Variants in ABCB7 observed in about 807,000 individuals in gnomAD.
ABCB7 encodes the protein iron-sulfur clusters transporter ABCB7, mitochondrial.
ABCB7 carries 7 observed loss-of-function variants against 54.4 expected under a neutral mutation model. That is an observed-to-expected ratio of 0.13 (90% CI 0.07 to 0.24). The LOEUF (loss-of-function observed/expected upper bound fraction) is 0.24, where lower values mean the gene tolerates loss of function less well. Among genes scored for constraint, ABCB7 ranks in the 10% least tolerant of loss-of-function variants. The pLI is 1.00. For synonymous variants in ABCB7, 218 were observed against 207.1 expected (o/e 1.05, Z -0.45); for missense variants, 356 against 570.4 (o/e 0.62, Z 3.83).
chrX:75,147,924 T>C (rs2082103815), intron 1 of ABCB7, among the ~76,000 whole-genome samples: 1 of 111,553 alleles, frequency 9.0e-6, no homozygotes, highest in African/African-American at 3.3e-5. Flanking sequence ...GAGACTAGCC[T>C]GGCCAACATG....
At chrX:75,074,477 G>T (rs762239925) in intron 6 of ABCB7, among the ~76,000 whole-genome samples, 7 of 111,860 alleles carry the variant, frequency 6.3e-5, no homozygotes, top group Non-Finnish European at 1.3e-4. Context: ...ATTACCATTT[G>T]ATCCAGCAAT....
intron 8 of ABCB7, 79 bp from the exon 9 acceptor site, chrX:75,071,762 G>T (rs1420495344): frequency 8.5e-6 from 6 of 709,645 alleles, no homozygotes; most frequent in Non-Finnish European, 1.2e-5. Context: ...CTTTTCATCA[G>T]ACTTCATGTA....
Position 75,052,471 on chromosome X carries a change from A to AG in ABCB7, c.*898_*899insC, listed in dbSNP as rs1231264600. ...GAAAGAGCGAGACTCCGTCTCAAAA[A>AG]AAAAAAAAAAAAAATTCTAAGTATA... On this transcript the variant is annotated 3_prime_UTR_variant, in exon 16 of 16. Coordinates refer to ENST00000373394, the MANE Select transcript of ABCB7 (RefSeq NM_001271696.3). The AG allele has an allele frequency of 2.8e-5, 3 of 108,773 alleles. No homozygotes were observed. The highest frequency in any genetic ancestry group is 5.7e-5 in the Non-Finnish European group (3 of 52,469). The allele number at this position is 108,773 out of a possible 1,213,427, so 9.0% of individuals were successfully genotyped here. A position where few individuals can be genotyped will look rare whatever the true frequency, so the allele number is the denominator to read the frequency against.
In ABCB7 at chrX:75,083,000, T is replaced by C. The variant is rs149884758; in HGVS notation, c.454-6346A>G. Among the ~76,000 whole-genome samples, 1,064 of 111,626 alleles carry C rather than the reference T, an allele frequency of 9.5e-3. 14 individuals carry two copies. Among genetic ancestry groups the C allele is most frequent in the African/African-American group, 0.033 (1,017 of 30,765 alleles). On this transcript the variant is annotated intron_variant, in intron 4 of 15. Coordinates refer to ENST00000373394, the MANE Select transcript of ABCB7 (RefSeq NM_001271696.3). ...AAATGATAGCAATATTATCAATATATTACAATGATCAACAAAAATCAATAA... is the reference window on the plus strand; with the variant it reads ...AAATGATAGCAATATTATCAATATACTACAATGATCAACAAAAATCAATAA...
intron 13 of ABCB7, among the ~76,000 whole-genome samples, chrX:75,064,712 C>T (rs1354009560): frequency 9.0e-6 from 1 of 111,328 alleles, no homozygotes; most frequent in Non-Finnish European, 1.9e-5. Context: ...TATCAAATTA[C>T]TTCTCCCTAA....
intron 1 of ABCB7, among the ~76,000 whole-genome samples, chrX:75,117,073 T>C (rs889522064): frequency 1.8e-5 from 2 of 111,313 alleles, no homozygotes; most frequent in Admixed American, 9.5e-5. Context: ...GCCTACAGAA[T>C]AGCCATTCTT....
At chrX:75,143,371 A>G (rs1162555414) in intron 1 of ABCB7, among the ~76,000 whole-genome samples, 4 of 111,550 alleles carry the variant, frequency 3.6e-5, no homozygotes, top group African/African-American at 1.3e-4. Flanking sequence ...CCTGCATTTC[A>G]TTGTCCATTA....
intron 12 of ABCB7, among the ~76,000 whole-genome samples, chrX:75,068,658 C>T (rs2081340805): frequency 8.9e-6 from 1 of 111,959 alleles, no homozygotes; most frequent in South Asian, 3.7e-4. Context: ...CTCTAATCCA[C>T]AATAATTCTA....
At position 75,060,315 on chromosome X, in the gene ABCB7, T is replaced by A. The variant is rs751648765; in HGVS notation, c.1951A>T (p.Met651Leu). The A allele has an allele frequency of 3.3e-6, 4 of 1,204,071 alleles. No homozygotes were observed. The Admixed American group carries it at 8.8e-5, about 26-fold the overall frequency. The change falls in exon 15 of 16, where the codon ATG (methionine) becomes TTG (leucine). Residue 651 changes from methionine (M) to leucine (L), a missense_variant. Met to Leu is a conservative substitution (Grantham distance 15). Transcript: ENST00000373394. ...SITEETILGA[M>L]KDVVKHRTSI... ...GTTCTGTGTTTGACCACATCCTTCA[T>A]GGCACCAAGAATAGTCTGCAAGTTT...
chrX:75,138,401 GTATT>G (rs1317979017), intron 1 of ABCB7, among the ~76,000 whole-genome samples: 1 of 112,158 alleles, frequency 8.9e-6, no homozygotes, highest in African/African-American at 3.2e-5. Context: ...TGTTCAATCT[GTATT>G]TAATGGGTTT....
At position 75,156,266 on chromosome X, in the gene ABCB7, G is replaced by T; in HGVS notation, c.7C>A (p.Leu3Met). The change falls in exon 1 of 16, where the codon CTG becomes ATG. Residue 3 changes from leucine to methionine, a missense_variant. Physicochemically the swap from Leu to Met is conservative, Grantham distance 15. Around this residue, in one of 2 missense-constraint regions of ABCB7, gnomAD observed 115 missense variants for 99.5 expected, o/e 1.16. Coordinates refer to ENST00000373394, the MANE Select transcript of ABCB7 (RefSeq NM_001271696.3). MA[L>M]LAMHSWRWAA... ...CAGCGCCAAGAATGCATCGCGAGCA[G>T]CGCCATCTTGAGCGAGGAAAGAGGA... is the stretch of plus-strand genomic sequence containing the variant. 8.3e-7 allele frequency: 1 copy of T among 1,204,003 alleles called. No individual in the cohort carries two copies.
intron 12 of ABCB7, among the ~76,000 whole-genome samples, chrX:75,067,152 CTG>C (rs1377214045): frequency 8.9e-6 from 1 of 111,899 alleles, no homozygotes; most frequent in Non-Finnish European, 1.9e-5. Context: ...AAACAAGAGA[CTG>C]TCCATTTTAC....
intron 1 of ABCB7, among the ~76,000 whole-genome samples, chrX:75,151,616 C>A (rs1178782629): frequency 8.9e-6 from 1 of 111,749 alleles, no homozygotes; most frequent in Non-Finnish European, 1.9e-5. Context: ...AAACTAGGAT[C>A]ACAAAGTAGA....
In ABCB7 at chrX:75,069,028, C is replaced by T; in HGVS notation, c.1638G>A (p.Arg546=). The T allele has an allele frequency of 8.3e-7, 1 of 1,210,730 alleles. No individual in the cohort carries two copies. The highest frequency in any genetic ancestry group is 3.0e-5 in the East Asian group (1 of 33,819). The change falls in exon 12 of 16, where the codon AGG becomes AGA. Residue 546 remains arginine, a synonymous_variant. Transcript: ENST00000373394. ...IQDVSLESLR[R]AVGVVPQDAV... is the part of the protein sequence containing the mutation. Reference sequence around the variant, plus strand: ...ATACCTGAGGTACCACTCCCACTGCCCTCCGAAGGCTTTCCAGGCTCACAT... The same window carrying T: ...ATACCTGAGGTACCACTCCCACTGCTCTCCGAAGGCTTTCCAGGCTCACAT...
In ABCB7 at chrX:75,142,006, G is replaced by A. The variant is rs777985532; in HGVS notation, c.168+14099C>T. 5.4e-5 allele frequency among the ~76,000 whole-genome samples: 6 copies of A among 111,418 alleles called. No homozygotes were observed. In the East Asian group the frequency reaches 1.7e-3, roughly 32 times the overall value. ...TCATAGAATATAATTAACATCTGTG[G>A]GTCCATCCTGGTATAAATAAATTAA... is the stretch of plus-strand genomic sequence containing the variant. On this transcript the variant is annotated intron_variant, in intron 1 of 15. Transcript: ENST00000373394.
intron 4 of ABCB7, among the ~76,000 whole-genome samples, chrX:75,082,144 A>G (rs1235777063): frequency 1.8e-5 from 2 of 111,834 alleles, no homozygotes; most frequent in South Asian, 3.8e-4. Context: ...ATTCACACCA[A>G]GACACATCAT....
Position 75,153,174 on chromosome X carries a change from T to G in ABCB7, c.168+2931A>C, listed in dbSNP as rs933969422. Among the ~76,000 whole-genome samples, 10 of 111,011 alleles carry G rather than the reference T, an allele frequency of 9.0e-5. No individual in the cohort carries two copies. In the East Asian group the frequency reaches 2.6e-3, roughly 29 times the overall value. On this transcript the variant is annotated intron_variant, in intron 1 of 15. Coordinates refer to ENST00000373394, the MANE Select transcript of ABCB7 (RefSeq NM_001271696.3). Reference sequence around the variant, plus strand: ...CTCACTGCAAGCTCCGCCTCCCGGGTTCACGCCATTCTCCTGCCTCAGCCT... The same window carrying G: ...CTCACTGCAAGCTCCGCCTCCCGGGGTCACGCCATTCTCCTGCCTCAGCCT...
intron 3 of ABCB7, among the ~76,000 whole-genome samples, chrX:75,106,539 G>A (rs2147514778): frequency 8.9e-6 from 1 of 112,049 alleles, no homozygotes; most frequent in East Asian, 2.8e-4. Context: ...CTTATACACT[G>A]TTGGTGGTAA....
intron 1 of ABCB7, among the ~76,000 whole-genome samples, chrX:75,137,643 T>C (rs1205627506): frequency 1.2e-4 from 13 of 112,362 alleles, no homozygotes; most frequent in Admixed American, 3.7e-4. Context: ...TGCCCATCAA[T>C]GGTGGACTGA....
Sources: gnomAD v4.1 joint callset for allele counts (sites outside exome capture counted in the v4.1 genomes callset) on GRCh38, gnomAD v4.1.1 for gene constraint, gnomAD v4.1.1 regional missense constraint, MANE v1.5 for transcripts, NCBI Gene and HGNC (gene_info 2026-07-23, HGNC 2026-07-21) for gene names.